The following ARHGEF4 variants were observed in gnomAD, a reference collection of about 807,000 sequenced individuals.
ARHGEF4 encodes Rho guanine nucleotide exchange factor 4, also known as APC-stimulated guanine nucleotide exchange factor 1.
A neutral mutation model predicts 162.0 loss-of-function variants in ARHGEF4; 119 were observed. The observed-to-expected ratio is 0.73, with a 90% confidence interval of 0.63 to 0.86. The LOEUF (loss-of-function observed/expected upper bound fraction) is 0.86, where lower values mean the gene tolerates loss of function less well. Ranked by LOEUF, ARHGEF4 falls within the 40% of genes least tolerant of loss-of-function variation. The pLI, the probability that ARHGEF4 is intolerant of heterozygous loss-of-function variation, is 0.00. For missense variants in ARHGEF4, 2,488 were observed against 2,456.0 expected, an observed-to-expected ratio of 1.01 and a Z score of -0.28; for synonymous variants, 1,014 against 979.9, an observed-to-expected ratio of 1.03 and a Z score of -0.65.
chr2:130,982,692 C>A (rs1686210569), intron 4 of ARHGEF4, among the ~76,000 whole-genome samples: 1 of 151,406 alleles, frequency 6.6e-6, no homozygotes, highest in Non-Finnish European at 1.5e-5. Flanking sequence ...ACAAAATTAG[C>A]TTTTCTTTAT....
At chr2:130,969,830 T>G (rs1486273547) in intron 4 of ARHGEF4, among the ~76,000 whole-genome samples, 2 of 152,176 alleles carry the variant, frequency 1.3e-5, no homozygotes, top group Non-Finnish European at 2.9e-5. Context: ...GCCTCGCTGA[T>G]CTAGACTCCA....
At chr2:130,923,537 T>G (rs892696739) in intron 2 of ARHGEF4, among the ~76,000 whole-genome samples, 1 of 152,212 alleles carries the variant, frequency 6.6e-6, no homozygotes, top group African/African-American at 2.4e-5. Flanking sequence ...TGAGTGCCAC[T>G]TGTGGGCGGG....
At chr2:130,928,114 T>C (rs1016635002) in intron 2 of ARHGEF4, among the ~76,000 whole-genome samples, 2 of 152,234 alleles carry the variant, frequency 1.3e-5, no homozygotes, top group Admixed American at 6.5e-5. Context: ...TGGGTGAATT[T>C]CATATTTATT....
At chr2:131,039,624 C>A in intron 6 of ARHGEF4, 3 of 1,100,882 alleles carry the variant, frequency 2.7e-6, no homozygotes, top group Non-Finnish European at 3.3e-6. Flanking sequence ...CTGTCCACTC[C>A]GCACCCTAAG....
chr2:130,955,271 T>G (rs1210256891), intron 4 of ARHGEF4, among the ~76,000 whole-genome samples: 1 of 152,202 alleles, frequency 6.6e-6, no homozygotes, highest in Non-Finnish European at 1.5e-5. Context: ...TGATATGTAG[T>G]CATTCTCACA....
rs13401447 is a variant in ARHGEF4 at position 130,960,393 on chromosome 2, A to C, written c.3985+13758A>C. ...ACTTACCATTGTGTTATCACCCTAC[A>C]GTATTCAGTACAGTAACATGCTGTA... On this transcript the variant is annotated intron_variant, in intron 4 of 13. Coordinates refer to ENST00000409359, the MANE Select transcript of ARHGEF4 (RefSeq NM_001367493.1). 6.0e-3 allele frequency among the ~76,000 whole-genome samples: 920 copies of C among 152,286 alleles called. 8 individuals carry two copies. The highest frequency in any genetic ancestry group is 0.021 in the African/African-American group (888 of 41,562).
At chr2:130,885,518 G>T (rs34735715) in intron 1 of ARHGEF4, among the ~76,000 whole-genome samples, 2 of 151,168 alleles carry the variant, frequency 1.3e-5, no homozygotes, top group African/African-American at 2.4e-5. Context: ...TGTAGTGGAG[G>T]GGGGTGAGGG....
At chr2:130,944,448 T>C (rs560617904) in intron 3 of ARHGEF4, among the ~76,000 whole-genome samples, 5 of 152,044 alleles carry the variant, frequency 3.3e-5, no homozygotes, top group South Asian at 4.1e-4. Flanking sequence ...TCTATTGGGA[T>C]TTTTTCCCCC....
At chr2:130,944,607 C>T (rs1341117513) in intron 3 of ARHGEF4, among the ~76,000 whole-genome samples, 1 of 152,132 alleles carries the variant, frequency 6.6e-6, no homozygotes, top group Non-Finnish European at 1.5e-5. Flanking sequence ...ACTAACATCT[C>T]CACTTTATTT....
intron 4 of ARHGEF4, among the ~76,000 whole-genome samples, chr2:130,980,102 AC>A (rs1686026110): frequency 6.6e-6 from 1 of 152,252 alleles, no homozygotes; most frequent in South Asian, 2.1e-4. Flanking sequence ...AACATAAAAA[AC>A]GTTGTAAGTC....
chr2:131,034,098 CAGAG>C (rs995900372), intron 5 of ARHGEF4, among the ~76,000 whole-genome samples: 6 of 152,148 alleles, frequency 3.9e-5, no homozygotes, highest in Non-Finnish European at 7.4e-5. Flanking sequence ...TGGCCACACA[CAGAG>C]AGATCAGAGC....
intron 1 of ARHGEF4, among the ~76,000 whole-genome samples, chr2:130,897,262 G>A (rs1253976900): frequency 1.3e-5 from 2 of 152,202 alleles, no homozygotes; most frequent in East Asian, 3.8e-4. Context: ...AGCCAGTCCC[G>A]GAAAGGCTGG....
chr2:130,891,796 A>T (rs1328160447), intron 1 of ARHGEF4, among the ~76,000 whole-genome samples: 1 of 152,132 alleles, frequency 6.6e-6, no homozygotes, highest in Non-Finnish European at 1.5e-5. Context: ...CTCTGTCTCC[A>T]AATGCAGTCA....
At chr2:130,890,430 C>T (rs995361571) in intron 1 of ARHGEF4, among the ~76,000 whole-genome samples, 3 of 151,994 alleles carry the variant, frequency 2.0e-5, no homozygotes, top group Non-Finnish European at 2.9e-5. Context: ...GGTGTGGTGG[C>T]GGGTGCCTGT....
chr2:130,907,496 C>T (rs1680900550), intron 1 of ARHGEF4, among the ~76,000 whole-genome samples: 1 of 151,708 alleles, frequency 6.6e-6, no homozygotes, highest in Non-Finnish European at 1.5e-5. Flanking sequence ...GGATTACAGG[C>T]ATGAGCCACC....
intron 4 of ARHGEF4, among the ~76,000 whole-genome samples, chr2:130,988,891 TATATATATATAGAGAGAGAGAGAGAG>T (rs1686723587): frequency 1.7e-5 from 2 of 116,268 alleles, no homozygotes; most frequent in African/African-American, 6.4e-5. Flanking sequence ...TATATATATA[TATATATATATAGAGAGAGAGAGAGAG>T]AGAGAGAGAG....
chr2:131,022,813 T>C (rs532237787), intron 4 of ARHGEF4, among the ~76,000 whole-genome samples: 1 of 151,614 alleles, frequency 6.6e-6, no homozygotes, highest in Non-Finnish European at 1.5e-5. Flanking sequence ...AAAAGGAAAA[T>C]TTGAGAAATT....
intron 3 of ARHGEF4, among the ~76,000 whole-genome samples, chr2:130,941,954 T>C (rs1313249715): frequency 6.6e-6 from 1 of 152,160 alleles, no homozygotes; most frequent in Non-Finnish European, 1.5e-5. Context: ...TGAATATGTG[T>C]ACAGGGTCCA....
intron 10 of ARHGEF4, among the ~76,000 whole-genome samples, chr2:131,042,741 C>G (rs940610685): frequency 3.3e-5 from 5 of 152,228 alleles, no homozygotes; most frequent in Non-Finnish European, 1.5e-5. Context: ...CAGGGCCCTC[C>G]AGAGTCACTC....
Sources: gnomAD v4.1 joint callset for allele counts (sites outside exome capture counted in the v4.1 genomes callset) on GRCh38, gnomAD v4.1.1 for gene constraint, MANE v1.5 for transcripts, NCBI Gene and HGNC (gene_info 2026-07-23, HGNC 2026-07-21) for gene names.